PCSK2: variants seen among roughly 807,000 people sequenced by gnomAD.
PCSK2 encodes proprotein convertase subtilisin/kexin type 2, also known as neuroendocrine convertase 2.
PCSK2 carries 14 observed loss-of-function variants against 69.7 expected under a neutral mutation model. The observed-to-expected ratio is 0.20, with a 90% CI of 0.13 to 0.31. The LOEUF is 0.31. PCSK2 is among the 10% of genes least tolerant of loss of function. PCSK2 has a pLI of 1.00. For synonymous variants in PCSK2, 307 were observed against 320.7 expected (o/e 0.96, Z 0.46); for missense variants, 544 against 842.5 (o/e 0.65, Z 4.39).
Position 17,482,169 on chromosome 20 carries a change from C to G in PCSK2, c.*99C>G. ...GCACCTAGCAATTCCATCACCCGTACAGGCAATTCCGTCTTCTTAATCTGA... is the reference window on the plus strand; with the variant it reads ...GCACCTAGCAATTCCATCACCCGTAGAGGCAATTCCGTCTTCTTAATCTGA... On this transcript the variant is annotated 3_prime_UTR_variant, in exon 12 of 12. Transcript: ENST00000262545. The G allele has an allele frequency of 1.3e-5, 14 of 1,077,038 alleles. No homozygotes were observed. Among genetic ancestry groups the G allele is most frequent in the Non-Finnish European group, 1.3e-6 (1 of 768,630 alleles). 66.7% of individuals were successfully genotyped at this position (1,077,038 alleles called of 1,614,324 possible).
chr20:17,360,448 A>T, intron 3 of PCSK2, 84 bp from the exon 4 acceptor site: 1 of 775,540 alleles, frequency 1.3e-6, no homozygotes, highest in East Asian at 2.7e-5. Context: ...TTAGATGGCT[A>T]TAGAGTATGT....
At chr20:17,269,701 G>A (rs898863347) in intron 2 of PCSK2, among the ~76,000 whole-genome samples, 2 of 152,062 alleles carry the variant, frequency 1.3e-5, no homozygotes, top group Non-Finnish European at 2.9e-5. Context: ...TCCCAACTAG[G>A]CACTAACTCA....
In PCSK2 at chr20:17,241,965, G is replaced by A. The variant is rs551477561; in HGVS notation, c.177+14483G>A. On this transcript the variant is annotated intron_variant, in intron 1 of 11. Coordinates refer to ENST00000262545, the MANE Select transcript of PCSK2 (RefSeq NM_002594.5). ...GCCTGAGGCTAGAAAGAAAGTTTGT[G>A]AGTGAGGCTGTATGTCAGATAACCA... is the stretch of plus-strand genomic sequence containing the variant. Among the ~76,000 whole-genome samples the A allele has an allele frequency of 2.6e-5, 4 of 152,326 alleles. No individual in the cohort carries two copies. The South Asian group carries it at 8.3e-4, about 32-fold the overall frequency.
Position 17,337,638 on chromosome 20 carries a change from A to G in PCSK2, c.283-20689A>G, listed in dbSNP as rs140292234. ...AAATAAATAATAATCATTTAAAAGCATTGGGAGAGGTGTGCAGTGACTCAG... is the reference window on the plus strand; with the variant it reads ...AAATAAATAATAATCATTTAAAAGCGTTGGGAGAGGTGTGCAGTGACTCAG... On this transcript the variant is annotated intron_variant, in intron 2 of 11. Coordinates refer to ENST00000262545, the MANE Select transcript of PCSK2 (RefSeq NM_002594.5). 3.3e-3 allele frequency among the ~76,000 whole-genome samples: 499 copies of G among 152,222 alleles called. 2 individuals carry two copies. Among genetic ancestry groups the G allele is most frequent in the African/African-American group, 0.011 (465 of 41,564 alleles).
chr20:17,380,363 A>G (rs1246981123), intron 5 of PCSK2, among the ~76,000 whole-genome samples: 1 of 152,168 alleles, frequency 6.6e-6, no homozygotes, highest in African/African-American at 2.4e-5. Context: ...GCCTATTGCC[A>G]CATGGGGCCC....
chr20:17,401,056 T>C (rs2031625692), intron 5 of PCSK2, among the ~76,000 whole-genome samples: 1 of 152,164 alleles, frequency 6.6e-6, no homozygotes, highest in Non-Finnish European at 1.5e-5. Context: ...AAACAGTCCA[T>C]TCATGTTTAT....
rs924895721 is a variant in PCSK2, at chr20:17,404,851, T to G, written c.544-4412T>G. ...CACTTTGTAAATACTTTAGGCTTTG[T>G]GGGGTTTTGTCACAACGACTTATCT... On this transcript the variant is annotated intron_variant, in intron 5 of 11. Coordinates refer to ENST00000262545, the MANE Select transcript of PCSK2 (RefSeq NM_002594.5). Among the ~76,000 whole-genome samples the G allele has an allele frequency of 5.3e-5, 8 of 152,286 alleles. No homozygotes were observed. In the South Asian group the frequency reaches 1.7e-3, roughly 32 times the overall value.
Position 17,477,809 on chromosome 20 carries a change from G to A in PCSK2, c.1431-3775G>A, listed in dbSNP as rs6131959. On this transcript the variant is annotated intron_variant, in intron 11 of 11. Coordinates refer to ENST00000262545, the MANE Select transcript of PCSK2 (RefSeq NM_002594.5). The stretch of plus-strand genomic sequence containing the variant: ...TGGTAATATGCAAAACTGATTTTGT[G>A]TGCAGGGTTAAGTAGCAGATTGACT... Among the ~76,000 whole-genome samples the A allele has an allele frequency of 2.6e-5, 4 of 152,062 alleles. No homozygotes were observed. The East Asian group carries it at 5.8e-4, about 22-fold the overall frequency.
chr20:17,412,908 A>G (rs1600559777), intron 6 of PCSK2, among the ~76,000 whole-genome samples: 2 of 152,230 alleles, frequency 1.3e-5, no homozygotes, highest in Non-Finnish European at 2.9e-5. Context: ...TTTTCAACCC[A>G]GAATTTCATA....
chr20:17,400,694 T>A (rs1021239427), intron 5 of PCSK2, among the ~76,000 whole-genome samples: 2 of 152,202 alleles, frequency 1.3e-5, no homozygotes, highest in African/African-American at 4.8e-5. Flanking sequence ...AAGACCCTTG[T>A]GCTTCTTCTC....
chr20:17,405,289 G>A lies in PCSK2; in HGVS notation c.544-3974G>A, dbSNP rs573399876. 3.9e-5 allele frequency among the ~76,000 whole-genome samples: 6 copies of A among 152,312 alleles called. No individual in the cohort carries two copies. In the South Asian group the frequency reaches 6.2e-4, roughly 16 times the overall value. ...CCCCTACATCAAGCTGGTACCTGCAGACGTATTTGTCTAGGGCAGCCCAGC... is the reference window on the plus strand; with the variant it reads ...CCCCTACATCAAGCTGGTACCTGCAAACGTATTTGTCTAGGGCAGCCCAGC... On this transcript the variant is annotated intron_variant, in intron 5 of 11. Transcript: ENST00000262545.
chr20:17,273,658 C>T (rs926034685), intron 2 of PCSK2, among the ~76,000 whole-genome samples: 1 of 152,064 alleles, frequency 6.6e-6, no homozygotes, highest in Non-Finnish European at 1.5e-5. Flanking sequence ...ACGCTGGAGT[C>T]CTTGGGTTTT....
chr20:17,408,112 C>A (rs563744248), intron 5 of PCSK2, among the ~76,000 whole-genome samples: 1 of 152,118 alleles, frequency 6.6e-6, no homozygotes, highest in East Asian at 1.9e-4. Flanking sequence ...GTCTCAGGAC[C>A]CATAACATCA....
At chr20:17,458,263 G>A (rs2032957028) in intron 10 of PCSK2, among the ~76,000 whole-genome samples, 1 of 152,162 alleles carries the variant, frequency 6.6e-6, no homozygotes, top group Admixed American at 6.5e-5. Flanking sequence ...ATTAAGGAAG[G>A]GATCCCAGGA....
chr20:17,298,582 A>G (rs1240310643), intron 2 of PCSK2, among the ~76,000 whole-genome samples: 1 of 152,258 alleles, frequency 6.6e-6, no homozygotes, highest in Non-Finnish European at 1.5e-5. Context: ...TGATAATTGT[A>G]AGTTAATATT....
intron 6 of PCSK2, among the ~76,000 whole-genome samples, chr20:17,419,089 C>T (rs1013441864): frequency 3.3e-5 from 5 of 152,240 alleles, no homozygotes; most frequent in African/African-American, 1.2e-4. Flanking sequence ...AGCAACACAT[C>T]TCTCCTAGGT....
intron 7 of PCSK2, among the ~76,000 whole-genome samples, chr20:17,432,500 TTTTATTTTGAAAATGCC>T (rs2032388233): frequency 6.6e-6 from 1 of 152,238 alleles, no homozygotes; most frequent in Non-Finnish European, 1.5e-5. Context: ...ATATTACTTT[TTTTATTTTGAAAATGCC>T]TTTATTCAAG....
rs1203370762 is a variant in PCSK2, at chr20:17,407,870, GC to G, written c.544-1391del. ...CTTAAGACTCCAGGCAAATTACTGG[GC>G]CAAATTTCAGGGTGACTCCTGCCCA... On this transcript the variant is annotated intron_variant, in intron 5 of 11. Coordinates refer to ENST00000262545, the MANE Select transcript of PCSK2 (RefSeq NM_002594.5). 2.0e-5 allele frequency among the ~76,000 whole-genome samples: 3 copies of G among 152,074 alleles called. No homozygotes were observed. The East Asian group carries it at 5.8e-4, about 29-fold the overall frequency.
chr20:17,280,107 CATGCACAT>C (rs1988252047), intron 2 of PCSK2, among the ~76,000 whole-genome samples: 1 of 151,934 alleles, frequency 6.6e-6, no homozygotes, highest in African/African-American at 2.4e-5. Context: ...CATGGTTATA[CATGCACAT>C]ATGGAAATAG....
Sources: allele counts gnomAD v4.1 joint callset (sites outside exome capture counted in the v4.1 genomes callset), GRCh38; gene constraint gnomAD v4.1.1; transcripts MANE v1.5; gene names NCBI Gene and HGNC (gene_info 2026-07-23, HGNC 2026-07-21).